Variants in PARD3B observed in about 807,000 individuals in gnomAD.
The protein encoded by PARD3B is par-3 family cell polarity regulator beta, also known as partitioning defective 3 homolog B.
Under a neutral mutation model 130.2 loss-of-function variants are expected in PARD3B, and 103 were observed. The observed-to-expected ratio is 0.79, with a 90% confidence interval of 0.67 to 0.93. PARD3B has a LOEUF of 0.93. Ranked by LOEUF, PARD3B falls within the 40% of genes least tolerant of loss-of-function variation. PARD3B has a pLI of 0.00. For missense variants in PARD3B, 1,609 were observed against 1,499.2 expected (o/e 1.07, Z -1.21); for synonymous variants, 583 against 553.2 (o/e 1.05, Z -0.76).
In PARD3B at chr2:205,550,955, G is replaced by GTGTGTGTATATATATA. The variant is rs796567936; in HGVS notation, c.3181-2368_3181-2367insGTGTGTATATATATAT. Among the ~76,000 whole-genome samples the GTGTGTGTATATATATA allele has an allele frequency of 2.4e-3, 223 of 94,108 alleles. 1 individual carries two copies. Among genetic ancestry groups the GTGTGTGTATATATATA allele is most frequent in the Middle Eastern group, 6.5e-3 (1 of 154 alleles). The allele number at this position is 94,108 out of a possible 152,430, so 61.7% of individuals were successfully genotyped here. On this transcript the variant is annotated intron_variant, in intron 21 of 22. Coordinates refer to ENST00000406610, the MANE Select transcript of PARD3B (RefSeq NM_001302769.2). This position sits in a 1 kb window ranked among gnomAD's most constrained non-coding sequence, Gnocchi z 4.5. ...TGTGTGTGTGTGTATATATATATGT[G>GTGTGTGTATATATATA]TATATATATATATATATATATACAC...
intron 4 of PARD3B, among the ~76,000 whole-genome samples, chr2:205,060,201 T>G (rs938616991): frequency 1.5e-4 from 23 of 152,080 alleles, no homozygotes; most frequent in African/African-American, 4.8e-4. Context: ...CAAAGCCAGT[T>G]TATCAGCCCC....
chr2:205,042,310 T>C (rs1698448226), intron 3 of PARD3B, among the ~76,000 whole-genome samples: 1 of 152,166 alleles, frequency 6.6e-6, no homozygotes, highest in African/African-American at 2.4e-5. Flanking sequence ...CTGACTTCAC[T>C]TTCTCCTATG....
At chr2:205,384,954 A>G (rs1007448237) in intron 18 of PARD3B, among the ~76,000 whole-genome samples, 19 of 152,046 alleles carry the variant, frequency 1.2e-4, no homozygotes, top group African/African-American at 4.6e-4. Flanking sequence ...TAGACTATAA[A>G]TTCCTTAAGA....
chr2:205,485,278 C>T (rs2049394274), intron 20 of PARD3B, among the ~76,000 whole-genome samples: 1 of 152,158 alleles, frequency 6.6e-6, no homozygotes, highest in African/African-American at 2.4e-5. Flanking sequence ...CATCGTGCTT[C>T]ATCACCAGAT....
chr2:205,194,907 G>A (rs891182876), intron 15 of PARD3B, among the ~76,000 whole-genome samples: 6 of 150,236 alleles, frequency 4.0e-5, no homozygotes, highest in South Asian at 2.1e-4. Context: ...CCTCAGCCTC[G>A]CAAGTAGCTT....
intron 15 of PARD3B, among the ~76,000 whole-genome samples, chr2:205,205,807 T>C (rs2037260887): frequency 6.6e-6 from 1 of 152,172 alleles, no homozygotes; most frequent in Non-Finnish European, 1.5e-5. Flanking sequence ...AACTTGATCA[T>C]GGTGGATAAG....
At position 205,160,938 on chromosome 2, in the gene PARD3B, TC is replaced by T. The variant is rs2034470775; in HGVS notation, c.1620+2033del. ...GCTCTTCCATATGATCCATTCATGT[TC>T]CTAGAGAGCAGGGCCTGTTCGCCTG... On this transcript the variant is annotated intron_variant, in intron 11 of 22. Transcript: ENST00000406610. This position sits in a 1 kb window ranked among gnomAD's most constrained non-coding sequence, Gnocchi z 4.0. 6.6e-6 allele frequency among the ~76,000 whole-genome samples: 1 copy of T among 152,174 alleles called. No homozygotes were observed. Among genetic ancestry groups the T allele is most frequent in the Non-Finnish European group, 1.5e-5 (1 of 68,030 alleles).
Position 205,229,790 on chromosome 2 carries a change from G to A in PARD3B, c.2141-15988G>A, listed in dbSNP as rs544583436. On this transcript the variant is annotated intron_variant, in intron 15 of 22. Coordinates refer to ENST00000406610, the MANE Select transcript of PARD3B (RefSeq NM_001302769.2). The surrounding 1 kb of genome is among the most constrained non-coding windows in gnomAD (Gnocchi z 5.2). ...GGCCTCGAGTGAGTCCACAGATGCC[G>A]TCCAGGAGCCAGGGCCTAGAGTCAG... is the stretch of plus-strand genomic sequence containing the variant. Among the ~76,000 whole-genome samples, 13 of 152,118 alleles carry A rather than the reference G, an allele frequency of 8.5e-5. No individual in the cohort carries two copies. Among genetic ancestry groups the A allele is most frequent in the African/African-American group, 2.9e-4 (12 of 41,532 alleles).
At chr2:205,500,897 C>T (rs562488796) in intron 21 of PARD3B, among the ~76,000 whole-genome samples, 3 of 152,302 alleles carry the variant, frequency 2.0e-5, no homozygotes, top group African/African-American at 2.4e-5. Context: ...CCTTCTACTG[C>T]GCCTTTTAGA....
intron 1 of PARD3B, among the ~76,000 whole-genome samples, chr2:204,631,093 C>G (rs976400370): frequency 1.3e-5 from 2 of 152,036 alleles, no homozygotes; most frequent in Non-Finnish European, 2.9e-5. Context: ...CATTTTAGTG[C>G]TAGAAATTTC....
rs934664610 is a variant in PARD3B, at chr2:205,550,818, ATATG to A, written c.3181-2502_3181-2499del. Reference sequence around the variant, plus strand: ...CAAATATATGCATATTTATATGTATATATGTATATTTTATGTATATTTGAATATT... The same window carrying A: ...CAAATATATGCATATTTATATGTATATATATTTTATGTATATTTGAATATT... On this transcript the variant is annotated intron_variant, in intron 21 of 22. Coordinates refer to ENST00000406610, the MANE Select transcript of PARD3B (RefSeq NM_001302769.2). This position sits in a 1 kb window ranked among gnomAD's most constrained non-coding sequence, Gnocchi z 4.5. Among the ~76,000 whole-genome samples the A allele has an allele frequency of 2.0e-5, 3 of 149,440 alleles. No individual in the cohort carries two copies. Among genetic ancestry groups the A allele is most frequent in the African/African-American group, 7.3e-5 (3 of 40,916 alleles).
chr2:205,065,989 C>T (rs1300046596), intron 4 of PARD3B, among the ~76,000 whole-genome samples: 1 of 152,100 alleles, frequency 6.6e-6, no homozygotes, highest in Non-Finnish European at 1.5e-5. Flanking sequence ...GACAAAACAA[C>T]CACAAAAACA....
At chr2:205,220,552 A>G (rs2038184137) in intron 15 of PARD3B, among the ~76,000 whole-genome samples, 1 of 152,174 alleles carries the variant, frequency 6.6e-6, no homozygotes, top group Non-Finnish European at 1.5e-5. Context: ...GACATGTTCT[A>G]GGCTCCAGAG....
chr2:204,738,725 TC>T (rs1175153650), intron 2 of PARD3B, among the ~76,000 whole-genome samples: 1 of 152,152 alleles, frequency 6.6e-6, no homozygotes, highest in Non-Finnish European at 1.5e-5. Context: ...TTCATTATGG[TC>T]ACTCCCTGCT....
intron 1 of PARD3B, among the ~76,000 whole-genome samples, chr2:204,563,289 G>A (rs2031465028): frequency 8.0e-6 from 1 of 124,470 alleles, no homozygotes; most frequent in Admixed American, 9.7e-5. Context: ...CCTTTATAAG[G>A]ACACCAGTCA....
chr2:205,069,048 C>T (rs1700560936), intron 4 of PARD3B, among the ~76,000 whole-genome samples: 1 of 148,054 alleles, frequency 6.8e-6, no homozygotes. Context: ...ATATACCTAC[C>T]TTTTTTTTTT....
chr2:204,950,556 C>T (rs1242646725), intron 2 of PARD3B, among the ~76,000 whole-genome samples: 1 of 152,098 alleles, frequency 6.6e-6, no homozygotes, highest in Admixed American at 6.5e-5. Context: ...AAGGAGGCTG[C>T]ATTCAGTTCC....
rs550234183 is a variant in PARD3B at position 204,891,232 on chromosome 2, G to A, written c.223-73920G>A. 8.0e-5 allele frequency among the ~76,000 whole-genome samples: 12 copies of A among 149,220 alleles called. 1 individual carries two copies. Among genetic ancestry groups the A allele is most frequent in the Middle Eastern group, 3.5e-3 (1 of 288 alleles). The stretch of plus-strand genomic sequence containing the variant: ...TTGTGCTATTAAATACCTATACATC[G>A]GAATCATCTCCCCATAGCTCCATTT... On this transcript the variant is annotated intron_variant, in intron 2 of 22. Coordinates refer to ENST00000406610, the MANE Select transcript of PARD3B (RefSeq NM_001302769.2).
chr2:204,661,632 A>G (rs1485973558), intron 1 of PARD3B, among the ~76,000 whole-genome samples: 2 of 152,200 alleles, frequency 1.3e-5, no homozygotes. Flanking sequence ...TATGTGGCTT[A>G]TATTTATCAA....
Sources: gnomAD v4.1 joint callset for allele counts (sites outside exome capture counted in the v4.1 genomes callset) on GRCh38, gnomAD v4.1.1 for gene constraint, Gnocchi (gnomAD v3.1) non-coding constraint, MANE v1.5 for transcripts, NCBI Gene and HGNC (gene_info 2026-07-23, HGNC 2026-07-21) for gene names.